LYN: variants seen among roughly 807,000 people sequenced by gnomAD.
The protein encoded by LYN is LYN proto-oncogene, Src family tyrosine kinase.
In LYN, 12 loss-of-function variants were observed where a neutral mutation model predicts 65.0. The observed-to-expected ratio is 0.18, with a 90% CI of 0.12 to 0.30. The LOEUF (loss-of-function observed/expected upper bound fraction) is 0.30. Among genes scored for constraint, LYN ranks in the 10% least tolerant of loss-of-function variants. LYN has a pLI of 1.00. For missense variants in LYN, 380 were observed against 623.2 expected, an observed-to-expected ratio of 0.61 and a Z score of 4.16; for synonymous variants, 222 against 221.2, an observed-to-expected ratio of 1.00 and a Z score of -0.03.
At chr8:55,931,301 C>T (rs1806264086) in intron 1 of LYN, among the ~76,000 whole-genome samples, 1 of 150,094 alleles carries the variant, frequency 6.7e-6, no homozygotes, top group African/African-American at 2.4e-5. Context: ...TATAACTTGT[C>T]TATGTATTAT....
At chr8:55,988,943 A>G (rs999719637) in intron 10 of LYN, among the ~76,000 whole-genome samples, 6 of 152,196 alleles carry the variant, frequency 3.9e-5, no homozygotes, top group South Asian at 4.1e-4. Context: ...GTCTTTGCCA[A>G]TTTCTCAAAA....
intron 2 of LYN, among the ~76,000 whole-genome samples, chr8:55,942,401 ATGTGTATATATATG>A (rs1806647131): frequency 1.4e-5 from 2 of 145,588 alleles, no homozygotes; most frequent in African/African-American, 2.6e-5. Context: ...ATGTGTATAT[ATGTGTATATATATG>A]TGTGTATATA....
chr8:55,921,997 G>C (rs1805959524), intron 1 of LYN, among the ~76,000 whole-genome samples: 1 of 152,212 alleles, frequency 6.6e-6, no homozygotes. Context: ...GCGATGGACA[G>C]ATGATAAAAT....
intron 1 of LYN, among the ~76,000 whole-genome samples, chr8:55,902,015 CT>C (rs11424284): frequency 8.0e-5 from 12 of 149,764 alleles, no homozygotes; most frequent in East Asian, 2.0e-4. Flanking sequence ...CCTGTACTTT[CT>C]TTTTTTTTTG....
At chr8:56,007,581 C>A (rs76267427) in intron 12 of LYN, among the ~76,000 whole-genome samples, 8,136 of 152,170 alleles carry the variant, frequency 0.053, 668 homozygotes, top group African/African-American at 0.18. Context: ...GGCTCTTCCA[C>A]GACAGAAATG....
chr8:55,914,280 G>A (rs1049919511), intron 1 of LYN, among the ~76,000 whole-genome samples: 1 of 152,086 alleles, frequency 6.6e-6, no homozygotes, highest in African/African-American at 2.4e-5. Flanking sequence ...ACTAATCTAA[G>A]GGGAAGGGGG....
chr8:55,884,397 G>A (rs1208599682), intron 1 of LYN, among the ~76,000 whole-genome samples: 2 of 151,858 alleles, frequency 1.3e-5, no homozygotes, highest in African/African-American at 2.4e-5. Flanking sequence ...GAGCCACTGC[G>A]CCTGGCCTTT....
intron 10 of LYN, among the ~76,000 whole-genome samples, chr8:55,970,922 A>G (rs1478339198): frequency 2.0e-5 from 3 of 152,208 alleles, no homozygotes; most frequent in Non-Finnish European, 2.9e-5. Flanking sequence ...GTTGAGAGTC[A>G]CATCAGACAC....
At chr8:55,955,972 G>A (rs1419938518) in intron 8 of LYN, among the ~76,000 whole-genome samples, 3 of 152,156 alleles carry the variant, frequency 2.0e-5, no homozygotes, top group African/African-American at 7.2e-5. Context: ...GAATAATGCT[G>A]TATGAATGTT....
intron 1 of LYN, among the ~76,000 whole-genome samples, chr8:55,916,215 T>C (rs1805777378): frequency 6.6e-6 from 1 of 152,156 alleles, no homozygotes; most frequent in Admixed American, 6.5e-5. Flanking sequence ...ATTTGATTGG[T>C]TTTAAAGAGA....
chr8:55,968,596 G>C (rs1807524621), intron 9 of LYN, among the ~76,000 whole-genome samples: 1 of 152,208 alleles, frequency 6.6e-6, no homozygotes, highest in South Asian at 2.1e-4. Flanking sequence ...CTATATGCCA[G>C]ACTGCTCTTG....
chr8:56,002,510 G>A (rs1808543072), intron 12 of LYN, among the ~76,000 whole-genome samples: 1 of 151,512 alleles, frequency 6.6e-6, no homozygotes, highest in Non-Finnish European at 1.5e-5. Flanking sequence ...GCTGAGGAAG[G>A]AGAATCGCTT....
rs574670384 is a variant in LYN at position 55,986,887 on chromosome 8, G to A, written c.1051-11459G>A. On this transcript the variant is annotated intron_variant, in intron 10 of 12. Transcript: ENST00000519728. ...ACCACAAGCATGTGCCACTACACCC[G>A]GCTAATTTTTAATTTTTTGTAGAGA... Among the ~76,000 whole-genome samples the A allele has an allele frequency of 7.9e-5, 12 of 152,122 alleles. No homozygotes were observed. In the South Asian group the frequency reaches 2.5e-3, roughly 32 times the overall value.
At chr8:55,923,767 T>G (rs1402989726) in intron 1 of LYN, among the ~76,000 whole-genome samples, 1 of 152,178 alleles carries the variant, frequency 6.6e-6, no homozygotes, top group Admixed American at 6.5e-5. Context: ...CTCGAACTCC[T>G]GACCTCAAGT....
chr8:55,904,353 T>G (rs1434760048), intron 1 of LYN, among the ~76,000 whole-genome samples: 2 of 152,208 alleles, frequency 1.3e-5, no homozygotes, highest in Non-Finnish European at 2.9e-5. Flanking sequence ...AAATATGATA[T>G]GAAATTCAAC....
intron 3 of LYN, among the ~76,000 whole-genome samples, chr8:55,947,217 C>T (rs1563523566): frequency 6.6e-6 from 1 of 152,248 alleles, no homozygotes; most frequent in Non-Finnish European, 1.5e-5. Context: ...CTATTGCACT[C>T]CAGTCTGGGC....
chr8:55,966,011 G>A (rs1238043616), intron 8 of LYN, among the ~76,000 whole-genome samples: 1 of 152,082 alleles, frequency 6.6e-6, no homozygotes, highest in East Asian at 1.9e-4. Context: ...TGTAAACCCA[G>A]CTACTCAGGA....
At chr8:55,887,426 T>A (rs1217375840) in intron 1 of LYN, among the ~76,000 whole-genome samples, 1 of 151,986 alleles carries the variant, frequency 6.6e-6, no homozygotes, top group African/African-American at 2.4e-5. Flanking sequence ...TGATTATTTC[T>A]GGGTGACAGT....
chr8:56,002,311 C>T (rs541248278), intron 12 of LYN, among the ~76,000 whole-genome samples: 28 of 151,772 alleles, frequency 1.8e-4, no homozygotes, highest in African/African-American at 6.3e-4. Flanking sequence ...CCCAGCTACT[C>T]GGGAGGCTGG....
Sources: gnomAD v4.1 joint callset for allele counts (sites outside exome capture counted in the v4.1 genomes callset) on GRCh38, gnomAD v4.1.1 for gene constraint, MANE v1.5 for transcripts, NCBI Gene and HGNC (gene_info 2026-07-23, HGNC 2026-07-21) for gene names.